SIRT4: variants seen among roughly 807,000 people sequenced by gnomAD.
The protein encoded by SIRT4 is sirtuin 4.
Under a neutral mutation model 26.1 loss-of-function variants are expected in SIRT4, and 23 were observed. The observed-to-expected ratio is 0.88, with a 90% CI of 0.63 to 1.25. The LOEUF is 1.25. Among genes scored for constraint, SIRT4 ranks in the 50% most tolerant of loss-of-function variants. SIRT4 has a pLI of 0.00. For synonymous variants in SIRT4, 155 were observed against 158.4 expected, an observed-to-expected ratio of 0.98 and a Z score of 0.16; for missense variants, 361 against 405.4, an observed-to-expected ratio of 0.89 and a Z score of 0.94.
rs201277474 is a variant in SIRT4 at position 120,312,713 on chromosome 12, A to C, written c.755A>C (p.Glu252Ala). 1.2e-4 allele frequency: 195 copies of C among 1,613,888 alleles called. 2 individuals carry two copies. Among genetic ancestry groups the C allele is most frequent in the Non-Finnish European group, 6.9e-5 (82 of 1,179,982 alleles). ...GATTTTGTGCACAAGCGTGTAAAAG[A>C]AGCCGACTCCCTCTTGGTGGTGGGA... The part of the protein sequence containing the change: ...KVDFVHKRVK[E>A]ADSLLVVGSS... Residue 252 changes from glutamate (E) to alanine (A), a missense_variant, in exon 3 of 4, where the codon GAA (glutamate) becomes GCA (alanine). Coordinates refer to ENST00000202967, the MANE Select transcript of SIRT4 (RefSeq NM_012240.3).
chr12:120,298,748 A>C (rs1403026542), upstream of SIRT4, among the ~76,000 whole-genome samples: 1 of 149,964 alleles, frequency 6.7e-6, no homozygotes, highest in Non-Finnish European at 1.5e-5. Context: ...CTCTACTAAA[A>C]ATACAAAAAT....
chr12:120,291,871 T>A, the SIRT4 span: 1 of 152,138 alleles, frequency 6.6e-6, no homozygotes, highest in Non-Finnish European at 1.5e-5. Context: ...CGGATAAACC[T>A]CATTGGCTAC....
At chr12:120,293,002 G>T in the SIRT4 span, 1 of 152,064 alleles carries the variant, frequency 6.6e-6, no homozygotes, top group East Asian at 1.9e-4. Flanking sequence ...CTCTCATTTA[G>T]AGAGTTTGCG....
chr12:120,298,196 CAAAAAAAA>C (rs56752571), upstream of SIRT4, among the ~76,000 whole-genome samples: 2 of 21,060 alleles, frequency 9.5e-5, no homozygotes, highest in African/African-American at 3.2e-4. Flanking sequence ...AACTCCATCT[CAAAAAAAA>C]AAAAAAAAAA....
At chr12:120,309,791 C>G (rs1379934265) in intron 2 of SIRT4, among the ~76,000 whole-genome samples, 1 of 149,298 alleles carries the variant, frequency 6.7e-6, no homozygotes, top group Non-Finnish European at 1.5e-5. Flanking sequence ...TCTTGGCTCA[C>G]TGTAACCTCT....
Position 120,312,966 on chromosome 12 carries a change from C to T in SIRT4, c.875C>T (p.Ser292Leu), listed in dbSNP as rs1873053067. Residue 292 changes from serine (S) to leucine (L), a missense_variant, in exon 4 of 4, where the codon TCG (serine) becomes TTG (leucine). By Grantham distance (145) the Ser-to-Leu change is moderately radical. Transcript: ENST00000202967. ...IAILNIGPTR[S>L]DDLACLKLNS... is the part of the protein sequence containing the mutation. Reference sequence around the variant, plus strand: ...ATACTGAACATTGGGCCCACACGGTCGGATGACTTGGCGTGTCTGAAACTG... The same window carrying T: ...ATACTGAACATTGGGCCCACACGGTTGGATGACTTGGCGTGTCTGAAACTG... The T allele has an allele frequency of 6.2e-7, 1 of 1,614,110 alleles. No individual in the cohort carries two copies. The highest frequency in any genetic ancestry group is 8.5e-7 in the Non-Finnish European group (1 of 1,180,022).
upstream of SIRT4, among the ~76,000 whole-genome samples, chr12:120,301,616 A>C (rs1206901897): frequency 1.3e-5 from 2 of 152,196 alleles, no homozygotes; most frequent in Non-Finnish European, 2.9e-5. Flanking sequence ...CCTGGCCAAC[A>C]TGGTGAAACT....
At chr12:120,291,920 C>G in the SIRT4 span, 2 of 152,108 alleles carry the variant, frequency 1.3e-5, no homozygotes, top group African/African-American at 2.4e-5. Flanking sequence ...GTTCTGTTCG[C>G]GCCCCGCTCC....
chr12:120,294,761 TC>T, the SIRT4 span, among the ~76,000 whole-genome samples: 7 of 150,564 alleles, frequency 4.6e-5, no homozygotes, highest in African/African-American at 1.7e-4. Context: ...CAAGTGATCC[TC>T]CCATCTTGGC....
the SIRT4 span, among the ~76,000 whole-genome samples, chr12:120,295,419 A>AAT: frequency 0.11 from 8,794 of 81,106 alleles, 766 homozygotes; most frequent in African/African-American, 0.18. Flanking sequence ...TATATAGATA[A>AAT]TTTTTTTTTT....
chr12:120,305,346 G>A (rs1030782951), intron 2 of SIRT4, among the ~76,000 whole-genome samples: 1 of 151,840 alleles, frequency 6.6e-6, no homozygotes, highest in African/African-American at 2.4e-5. Context: ...AATCTCTTGG[G>A]CTCAAGTGAT....
At chr12:120,308,904 T>C (rs1236193264) in intron 2 of SIRT4, among the ~76,000 whole-genome samples, 1 of 151,896 alleles carries the variant, frequency 6.6e-6, no homozygotes, top group Non-Finnish European at 1.5e-5. Flanking sequence ...GCGTGGTGGC[T>C]CATGCCTGTC....
chr12:120,306,174 T>A (rs988246502), intron 2 of SIRT4, among the ~76,000 whole-genome samples: 4 of 150,942 alleles, frequency 2.7e-5, no homozygotes, highest in South Asian at 2.1e-4. Context: ...CTACAAAAAA[T>A]TTTTTTAAGA....
At position 120,303,670 on chromosome 12, in the gene SIRT4, C is replaced by T. The variant is rs151314467; in HGVS notation, c.109C>T (p.Pro37Ser). ...ASIGLFVPASPPLDPEKVKEL... is the reference protein window; with the variant it reads ...ASIGLFVPASSPLDPEKVKEL... Reference sequence around the variant, plus strand: ...CATTGGGTTATTTGTGCCAGCAAGTCCTCCTCTGGACCCTGAGAAGGTCAA... The same window carrying T: ...CATTGGGTTATTTGTGCCAGCAAGTTCTCCTCTGGACCCTGAGAAGGTCAA... Residue 37 changes from proline (P) to serine (S), a missense_variant, in exon 2 of 4, where the codon CCT becomes TCT. Coordinates refer to ENST00000202967, the MANE Select transcript of SIRT4 (RefSeq NM_012240.3). 2.5e-6 allele frequency: 4 copies of T among 1,614,152 alleles called. No individual in the cohort carries two copies. Among genetic ancestry groups the T allele is most frequent in the Non-Finnish European group, 3.4e-6 (4 of 1,180,034 alleles).
At chr12:120,304,823 ATATATATATATATTTTTT>A (rs1319767777) in intron 2 of SIRT4, among the ~76,000 whole-genome samples, 2 of 7,804 alleles carry the variant, frequency 2.6e-4, no homozygotes, top group Admixed American at 1.5e-3. Flanking sequence ...ATATATATAT[ATATATATATATATTTTTT>A]TTTTTTTTTT....
intron 2 of SIRT4, among the ~76,000 whole-genome samples, chr12:120,307,436 C>A (rs1189974303): frequency 1.3e-5 from 2 of 151,990 alleles, no homozygotes; most frequent in Non-Finnish European, 2.9e-5. Flanking sequence ...TTGCAGTGAG[C>A]CAAGATCGTG....
chr12:120,306,770 T>C (rs956612736), intron 2 of SIRT4, among the ~76,000 whole-genome samples: 1 of 152,170 alleles, frequency 6.6e-6, no homozygotes, highest in Admixed American at 6.6e-5. Context: ...GCCACTGCAC[T>C]CCAGCCTGGA....
upstream of SIRT4, among the ~76,000 whole-genome samples, chr12:120,297,408 C>A (rs142065214): frequency 5.7e-4 from 85 of 148,608 alleles, no homozygotes; most frequent in Middle Eastern, 7.1e-3. Context: ...CTTCCTAGCC[C>A]TTGAGAATTC....
intron 2 of SIRT4, among the ~76,000 whole-genome samples, chr12:120,309,714 C>CTTT (rs564627080): frequency 1.4e-4 from 16 of 111,098 alleles, no homozygotes; most frequent in African/African-American, 3.7e-4. Flanking sequence ...TGCCCGCTTT[C>CTTT]TTTTTTTTTT....
Sources: allele counts gnomAD v4.1 joint callset (sites outside exome capture counted in the v4.1 genomes callset), GRCh38; gene constraint gnomAD v4.1.1; transcripts MANE v1.5; gene names NCBI Gene and HGNC (gene_info 2026-07-23, HGNC 2026-07-21).